GLIS3: variants seen among roughly 807,000 people sequenced by gnomAD.
GLIS3 encodes GLIS family zinc finger 3.
A neutral mutation model predicts 78.6 loss-of-function variants in GLIS3; 53 were observed. The ratio of observed to expected loss-of-function variants is 0.67; its 90% CI spans 0.54 to 0.85. The LOEUF is 0.85. GLIS3 is among the 40% of genes least tolerant of loss of function. GLIS3 has a pLI of 0.00. For missense variants in GLIS3, 1,703 were observed against 1,231.1 expected, an observed-to-expected ratio of 1.38 and a Z score of -5.74; for synonymous variants, 684 against 509.9, an observed-to-expected ratio of 1.34 and a Z score of -4.60.
intron 2 of GLIS3, among the ~76,000 whole-genome samples, chr9:4,149,844 A>G (rs1318887480): frequency 6.6e-6 from 1 of 152,240 alleles, no homozygotes; most frequent in Non-Finnish European, 1.5e-5. Flanking sequence ...TGAGACACAG[A>G]GAAGGAGATG....
intron 4 of GLIS3, among the ~76,000 whole-genome samples, chr9:3,939,644 T>G (rs1285550057): frequency 6.6e-6 from 1 of 151,896 alleles, no homozygotes; most frequent in Non-Finnish European, 1.5e-5. Flanking sequence ...AAAATCCAGC[T>G]GATATCAGAT....
In GLIS3 at chr9:4,117,749, T is replaced by C; in HGVS notation, c.1710+19A>G. The stretch of plus-strand genomic sequence containing the variant: ...CCGGGCCTTCAAGAGAGGTCACCCC[T>C]TGCGCTTCGGAAACTCACCGTACAC... On this transcript the variant is annotated intron_variant, in intron 4 of 10. Coordinates refer to ENST00000381971, the MANE Select transcript of GLIS3 (RefSeq NM_001042413.2). The C allele has an allele frequency of 6.2e-7, 1 of 1,614,146 alleles. No homozygotes were observed. Among genetic ancestry groups the C allele is most frequent in the East Asian group, 2.2e-5 (1 of 44,872 alleles).
At chr9:4,040,376 T>C (rs1824704967) in intron 4 of GLIS3, among the ~76,000 whole-genome samples, 1 of 152,202 alleles carries the variant, frequency 6.6e-6, no homozygotes, top group Non-Finnish European at 1.5e-5. Context: ...AATTCATTGT[T>C]TGAAAATGGC....
chr9:4,448,754 A>C, the GLIS3 span, among the ~76,000 whole-genome samples: 2 of 152,322 alleles, frequency 1.3e-5, no homozygotes, highest in South Asian at 2.1e-4. Context: ...TGCTGAATTG[A>C]AGTTTCCAGT....
Position 3,965,555 on chromosome 9 carries a change from C to T in GLIS3, c.1711-28366G>A, listed in dbSNP as rs79797166. 6.4e-3 allele frequency among the ~76,000 whole-genome samples: 977 copies of T among 152,268 alleles called. 11 individuals carry two copies. Among genetic ancestry groups the T allele is most frequent in the African/African-American group, 0.022 (925 of 41,548 alleles). ...CATAACTTTGAGTCAAATCCTATGT[C>T]TTTATCATCAACAGTCTAAAGAAAA... On this transcript the variant is annotated intron_variant, in intron 4 of 10. Transcript: ENST00000381971.
intron 7 of GLIS3, among the ~76,000 whole-genome samples, chr9:3,897,493 T>G (rs1436932727): frequency 6.6e-6 from 1 of 152,180 alleles, no homozygotes; most frequent in African/African-American, 2.4e-5. Flanking sequence ...CACTGCACAT[T>G]GATATATTTG....
intron 2 of GLIS3, among the ~76,000 whole-genome samples, chr9:4,338,930 T>C (rs1030708621): frequency 2.0e-5 from 3 of 152,182 alleles, no homozygotes; most frequent in South Asian, 2.1e-4. Flanking sequence ...ATTGAGATTC[T>C]GCATTAACAC....
intron 4 of GLIS3, among the ~76,000 whole-genome samples, chr9:3,963,315 CTGCA>C (rs1205224073): frequency 6.6e-6 from 1 of 152,182 alleles, no homozygotes; most frequent in Non-Finnish European, 1.5e-5. Context: ...CACACATCCC[CTGCA>C]CTTCTGGAGC....
chr9:4,325,715 T>G (rs973895552), intron 2 of GLIS3, among the ~76,000 whole-genome samples: 1 of 152,190 alleles, frequency 6.6e-6, no homozygotes, highest in East Asian at 1.9e-4. Context: ...AATATGTTTG[T>G]TTTTATTTTT....
the GLIS3 span, among the ~76,000 whole-genome samples, chr9:4,470,930 C>T: frequency 6.6e-6 from 1 of 151,934 alleles, no homozygotes; most frequent in African/African-American, 2.4e-5. Flanking sequence ...AATCAATGTG[C>T]AAAAATCACA....
At chr9:3,876,640 GAGAGAGAGAGAGAGAGAA>G (rs1198828013) in intron 8 of GLIS3, among the ~76,000 whole-genome samples, 5 of 11,406 alleles carry the variant, frequency 4.4e-4, no homozygotes, top group African/African-American at 1.8e-3. Flanking sequence ...AAGTCAGAGA[GAGAGAGAGAGAGAGAGAA>G]AGAGAGAGAG....
At chr9:4,108,041 T>C (rs191305334) in intron 4 of GLIS3, among the ~76,000 whole-genome samples, 213 of 152,256 alleles carry the variant, frequency 1.4e-3, no homozygotes, top group African/African-American at 4.9e-3. Context: ...AGGTGAATAA[T>C]TAATGATCTT....
chr9:3,861,483 A>G (rs1820209235), intron 8 of GLIS3, among the ~76,000 whole-genome samples: 1 of 152,150 alleles, frequency 6.6e-6, no homozygotes, highest in Non-Finnish European at 1.5e-5. Context: ...AGATACATGC[A>G]TGTGTACGTT....
At chr9:3,865,580 C>A (rs1004267629) in intron 8 of GLIS3, among the ~76,000 whole-genome samples, 1 of 152,184 alleles carries the variant, frequency 6.6e-6, no homozygotes, top group African/African-American at 2.4e-5. Context: ...GTGTGACTTC[C>A]ATTGTTGCTT....
At chr9:3,982,096 T>C (rs1039655114) in intron 4 of GLIS3, among the ~76,000 whole-genome samples, 2 of 152,206 alleles carry the variant, frequency 1.3e-5, no homozygotes, top group African/African-American at 4.8e-5. Context: ...TGTTTCCACA[T>C]AGTGCTATTG....
At chr9:4,342,414 G>A (rs1817847727) in intron 2 of GLIS3, among the ~76,000 whole-genome samples, 1 of 152,126 alleles carries the variant, frequency 6.6e-6, no homozygotes, top group Admixed American at 6.5e-5. Flanking sequence ...GTAGGTGTGT[G>A]GCTTTATTTC....
chr9:4,370,207 CCAAAAAA>C, the GLIS3 span, among the ~76,000 whole-genome samples: 91 of 144,580 alleles, frequency 6.3e-4, 1 homozygote, highest in African/African-American at 2.0e-3. Context: ...AAAAAAACAA[CCAAAAAA>C]CAAAAAACAA....
chr9:4,175,628 C>T (rs1816747648), intron 2 of GLIS3, among the ~76,000 whole-genome samples: 1 of 152,146 alleles, frequency 6.6e-6, no homozygotes, highest in South Asian at 2.1e-4. Flanking sequence ...CCTTCTGGGA[C>T]TAAACTTCTG....
At chr9:4,307,239 C>G (rs981766547) in intron 4 of GLIS3, among the ~76,000 whole-genome samples, 3 of 152,178 alleles carry the variant, frequency 2.0e-5, no homozygotes, top group East Asian at 1.9e-4. Flanking sequence ...AGCTGTAACA[C>G]TCTATTGCCT....
Sources: allele counts gnomAD v4.1 joint callset (sites outside exome capture counted in the v4.1 genomes callset), GRCh38; gene constraint gnomAD v4.1.1; transcripts MANE v1.5; gene names NCBI Gene and HGNC (gene_info 2026-07-23, HGNC 2026-07-21).